Variants in TINAG observed in about 807,000 individuals in gnomAD.
The protein encoded by TINAG is tubulointerstitial nephritis antigen.
TINAG carries 83 observed loss-of-function variants against 72.7 expected under a neutral mutation model. The observed-to-expected ratio is 1.14, with a 90% CI of 0.96 to 1.37. The LOEUF (loss-of-function observed/expected upper bound fraction) is 1.37. Ranked by LOEUF, TINAG falls within the 40% of genes most tolerant of loss-of-function variation. TINAG has a pLI of 0.00. For missense variants in TINAG, 685 were observed against 576.6 expected (o/e 1.19, Z -1.93); for synonymous variants, 234 against 189.9 (o/e 1.23, Z -1.91).
intron 3 of TINAG, among the ~76,000 whole-genome samples, chr6:54,326,382 CT>C (rs1267892898): frequency 6.6e-6 from 1 of 151,576 alleles, no homozygotes; most frequent in Non-Finnish European, 1.5e-5. Context: ...TTCATGCATA[CT>C]TTTTTACCTT....
chr6:54,347,822 A>G (rs1197707427), intron 6 of TINAG, among the ~76,000 whole-genome samples: 1 of 152,132 alleles, frequency 6.6e-6, no homozygotes, highest in Non-Finnish European at 1.5e-5. Context: ...CCCCACAGGC[A>G]GAATAAAATA....
chr6:54,310,583 C>T (rs1359394526), intron 1 of TINAG, among the ~76,000 whole-genome samples: 1 of 141,702 alleles, frequency 7.1e-6, no homozygotes, highest in Non-Finnish European at 1.5e-5. Flanking sequence ...TCTTTCTTCT[C>T]TTCTTTCTTT....
chr6:54,334,069 C>T (rs557589703), intron 4 of TINAG, among the ~76,000 whole-genome samples: 3 of 152,294 alleles, frequency 2.0e-5, no homozygotes, highest in East Asian at 3.9e-4. Context: ...GTATCTTGCA[C>T]AAAGAAGTTT....
At chr6:54,308,427 G>T, upstream of TINAG, 1 of 750,246 alleles carries the variant, frequency 1.3e-6, no homozygotes. Flanking sequence ...TTCAAGTAAA[G>T]GATCAGTTTC....
intron 9 of TINAG, among the ~76,000 whole-genome samples, chr6:54,376,345 T>G (rs1224402312): frequency 6.6e-6 from 1 of 152,118 alleles, no homozygotes; most frequent in African/African-American, 2.4e-5. Flanking sequence ...AACCAGTAAT[T>G]TGTTGAAAAA....
At chr6:54,352,981 G>A (rs1042458123) in intron 8 of TINAG, among the ~76,000 whole-genome samples, 5 of 151,796 alleles carry the variant, frequency 3.3e-5, no homozygotes, top group African/African-American at 9.7e-5. Context: ...TAAGCCAGGA[G>A]CAAGAGACGA....
At chr6:54,362,104 CAGA>C (rs1233015573) in intron 9 of TINAG, among the ~76,000 whole-genome samples, 1 of 151,588 alleles carries the variant, frequency 6.6e-6, no homozygotes, top group Non-Finnish European at 1.5e-5. Flanking sequence ...GCAAGTTATC[CAGA>C]AGATCTAACT....
Position 54,360,842 on chromosome 6 carries a change from T to TTG in TINAG, c.1250+6207_1250+6208insGT, listed in dbSNP as rs1491586499. 8.3e-5 allele frequency among the ~76,000 whole-genome samples: 4 copies of TTG among 48,140 alleles called. No individual in the cohort carries two copies. The South Asian group carries it at 2.7e-3, about 32-fold the overall frequency. 31.6% of individuals were successfully genotyped at this position (48,140 alleles called of 152,430 possible). A position where few individuals can be genotyped will look rare whatever the true frequency, so the allele number is the denominator to read the frequency against. On this transcript the variant is annotated intron_variant, in intron 9 of 10. Transcript: ENST00000259782. ...TTTCTTGTGTTTCACAGATACTGTG[T>TTG]TTTTTTTTTTTTTTTTTTTTTTTTT... is the stretch of plus-strand genomic sequence containing the variant.
At chr6:54,338,373 C>A (rs1240890997) in intron 4 of TINAG, among the ~76,000 whole-genome samples, 1 of 152,038 alleles carries the variant, frequency 6.6e-6, no homozygotes, top group Non-Finnish European at 1.5e-5. Context: ...GTACAGGCAC[C>A]TATTCTCTGG....
At chr6:54,328,642 G>A (rs1784664308) in intron 4 of TINAG, among the ~76,000 whole-genome samples, 1 of 151,980 alleles carries the variant, frequency 6.6e-6, no homozygotes, top group East Asian at 1.9e-4. Flanking sequence ...GTCAGAAGTA[G>A]GCTTCAGAAG....
chr6:54,309,844 C>A (rs74363558), intron 1 of TINAG, among the ~76,000 whole-genome samples: 70 of 141,166 alleles, frequency 5.0e-4, no homozygotes, highest in Admixed American at 5.6e-4. Context: ...AAGACTGTGT[C>A]AAAAAAAAAA....
At chr6:54,333,582 G>A (rs1252674530) in intron 4 of TINAG, among the ~76,000 whole-genome samples, 1 of 151,462 alleles carries the variant, frequency 6.6e-6, no homozygotes, top group East Asian at 1.9e-4. Context: ...AAACCTGCAC[G>A]TTCTACACAT....
chr6:54,320,663 A>G, intron 2 of TINAG, 21 bp downstream of exon 2: 1 of 1,586,276 alleles, frequency 6.3e-7, no homozygotes, highest in Non-Finnish European at 8.6e-7. Context: ...TAAGTGGCAC[A>G]GAACTGAGTT....
chr6:54,363,546 G>A (rs1763307818), intron 9 of TINAG, among the ~76,000 whole-genome samples: 1 of 150,030 alleles, frequency 6.7e-6, no homozygotes, highest in African/African-American at 2.5e-5. Flanking sequence ...CATACAATGA[G>A]ATGGAGAAAA....
In TINAG at chr6:54,357,439, A is replaced by G. The variant is rs182129254; in HGVS notation, c.1250+2803A>G. ...TCATACATTCTATGACCTATTTGAC[A>G]TCATCACCTGGATACCTTATTAGGG... On this transcript the variant is annotated intron_variant, in intron 9 of 10. Coordinates refer to ENST00000259782, the MANE Select transcript of TINAG (RefSeq NM_014464.4). 1.3e-3 allele frequency among the ~76,000 whole-genome samples: 193 copies of G among 152,028 alleles called. 1 individual carries two copies. The highest frequency in any genetic ancestry group is 3.4e-3 in the African/African-American group (142 of 41,516).
At chr6:54,360,691 A>G (rs1467989231) in intron 9 of TINAG, among the ~76,000 whole-genome samples, 1 of 151,582 alleles carries the variant, frequency 6.6e-6, no homozygotes, top group Non-Finnish European at 1.5e-5. Context: ...TTCAACAGTA[A>G]CATTTTTAGA....
intron 10 of TINAG, among the ~76,000 whole-genome samples, chr6:54,387,553 T>C (rs996377286): frequency 1.3e-5 from 2 of 152,130 alleles, no homozygotes; most frequent in Non-Finnish European, 2.9e-5. Flanking sequence ...GGAGGGTGGA[T>C]GGACAGGAAG....
At position 54,351,384 on chromosome 6, in the gene TINAG, T is replaced by G. The variant is rs762514418; in HGVS notation, c.1113T>G (p.Asn371Lys). 2.5e-6 allele frequency: 4 copies of G among 1,610,410 alleles called. No individual in the cohort carries two copies. The highest frequency in any genetic ancestry group is 3.4e-6 in the Non-Finnish European group (4 of 1,177,888). Residue 371 changes from asparagine to lysine, a missense_variant, in exon 8 of 11, where the codon AAT becomes AAG. By Grantham distance (94) the Asn-to-Lys change is moderately conservative. Coordinates refer to ENST00000259782, the MANE Select transcript of TINAG (RefSeq NM_014464.4). ...AGATAATGAAAGAAATCATGCAAAATGGACCAGTTCAAGGTAAGCTTGAAT... is the reference window on the plus strand; with the variant it reads ...AGATAATGAAAGAAATCATGCAAAAGGGACCAGTTCAAGGTAAGCTTGAAT... The part of the protein sequence containing the change: ...ETEIMKEIMQ[N>K]GPVQAIMQVR...
At chr6:54,341,067 T>A (rs1171251771) in intron 4 of TINAG, among the ~76,000 whole-genome samples, 1 of 152,140 alleles carries the variant, frequency 6.6e-6, no homozygotes, top group African/African-American at 2.4e-5. Context: ...TGTTTATTTT[T>A]TCAGTAGAGT....
Sources: allele counts gnomAD v4.1 joint callset (sites outside exome capture counted in the v4.1 genomes callset), GRCh38; gene constraint gnomAD v4.1.1; transcripts MANE v1.5; gene names NCBI Gene and HGNC (gene_info 2026-07-23, HGNC 2026-07-21).